PDE4D: variants seen among roughly 807,000 people sequenced by gnomAD.
The protein encoded by PDE4D is phosphodiesterase 4D.
PDE4D carries 24 observed loss-of-function variants against 87.4 expected under a neutral mutation model. The observed-to-expected ratio is 0.27, with a 90% CI of 0.20 to 0.39. The LOEUF (loss-of-function observed/expected upper bound fraction) is 0.39, where lower values mean the gene tolerates loss of function less well. Among genes scored for constraint, PDE4D ranks in the 10% least tolerant of loss-of-function variants. The pLI is 1.00. For missense variants in PDE4D, 714 were observed against 1,041.0 expected, an observed-to-expected ratio of 0.69 and a Z score of 4.32; for synonymous variants, 384 against 383.2, an observed-to-expected ratio of 1.00 and a Z score of -0.02.
At chr5:60,194,404 G>A (rs539633344) in intron 1 of PDE4D, among the ~76,000 whole-genome samples, 2 of 151,524 alleles carry the variant, frequency 1.3e-5, no homozygotes, top group Admixed American at 6.6e-5. Context: ...GCTACTTCAC[G>A]GGGTCTTCTT....
At chr5:60,464,929 C>T (rs1191394319) in intron 1 of PDE4D, among the ~76,000 whole-genome samples, 1 of 151,950 alleles carries the variant, frequency 6.6e-6, no homozygotes, top group Non-Finnish European at 1.5e-5. Context: ...AAGTGAGATC[C>T]CATCTCTATA....
chr5:59,400,007 G>C lies in PDE4D; in HGVS notation c.456-184039C>G, dbSNP rs571769175. ...ATGCTCACCATCACTGGCCATCAGAGAAACGCAAATCAAAACCACAATGAG... is the reference window on the plus strand; with the variant it reads ...ATGCTCACCATCACTGGCCATCAGACAAACGCAAATCAAAACCACAATGAG... On this transcript the variant is annotated intron_variant, in intron 1 of 14. Transcript: ENST00000340635. Among the ~76,000 whole-genome samples, 32 of 117,396 alleles carry C rather than the reference G, an allele frequency of 2.7e-4. 8 individuals carry two copies. The highest frequency in any genetic ancestry group is 2.3e-3 in the Admixed American group (27 of 11,996). 77.0% of individuals were successfully genotyped at this position (117,396 alleles called of 152,430 possible). A position where few individuals can be genotyped will look rare whatever the true frequency, so the allele number is the denominator to read the frequency against.
intron 1 of PDE4D, among the ~76,000 whole-genome samples, chr5:59,389,959 T>A (rs1429924963): frequency 1.3e-5 from 2 of 152,156 alleles, no homozygotes; most frequent in Non-Finnish European, 2.9e-5. Context: ...TAGCTAACAA[T>A]AATTTATTGT....
intron 3 of PDE4D, chr5:59,986,560 A>G (rs1045272098): frequency 6.6e-6 from 1 of 152,206 alleles, no homozygotes; most frequent in African/African-American, 2.4e-5. Flanking sequence ...CTCTTCTTCC[A>G]CAAGTGTGAA....
intron 3 of PDE4D, among the ~76,000 whole-genome samples, chr5:59,956,483 A>AT (rs1272551541): frequency 6.6e-6 from 1 of 152,214 alleles, no homozygotes; most frequent in Non-Finnish European, 1.5e-5. Flanking sequence ...GGAAAAAAAA[A>AT]GCAAGAAATA....
intron 2 of PDE4D, among the ~76,000 whole-genome samples, chr5:60,175,107 T>C (rs1025390922): frequency 1.3e-5 from 2 of 150,996 alleles, no homozygotes; most frequent in African/African-American, 5.0e-5. Flanking sequence ...CTCTGTTATG[T>C]TCTTTCTTTC....
chr5:60,337,358 T>A lies in PDE4D; in HGVS notation c.-90+150584A>T, dbSNP rs866442874. 2.4e-3 allele frequency among the ~76,000 whole-genome samples: 226 copies of A among 92,618 alleles called. 9 individuals carry two copies. The highest frequency in any genetic ancestry group is 0.011 in the African/African-American group (205 of 18,128). 60.8% of individuals were successfully genotyped at this position (92,618 alleles called of 152,430 possible). A position where few individuals can be genotyped will look rare whatever the true frequency, so the allele number is the denominator to read the frequency against. ...AAAAAACAAACAAACAAACTATATA[T>A]ATATATATATATATATATATATATA... On this transcript the variant is annotated intron_variant, in intron 1 of 16. Transcript: ENST00000502484.
chr5:59,381,812 C>T (rs1785924498), intron 1 of PDE4D, among the ~76,000 whole-genome samples: 1 of 151,900 alleles, frequency 6.6e-6, no homozygotes, highest in Non-Finnish European at 1.5e-5. Flanking sequence ...TATTTTATTG[C>T]TTTCTAACTT....
chr5:59,316,956 T>C (rs1312276210), intron 1 of PDE4D, among the ~76,000 whole-genome samples: 1 of 152,186 alleles, frequency 6.6e-6, no homozygotes, highest in Non-Finnish European at 1.5e-5. Context: ...CCTGTCTCAA[T>C]GGAGAATTTC....
At chr5:60,030,246 C>T (rs1056167557) in intron 2 of PDE4D, among the ~76,000 whole-genome samples, 1 of 151,838 alleles carries the variant, frequency 6.6e-6, no homozygotes, top group Admixed American at 6.6e-5. Context: ...GTCAGGAGAT[C>T]GAGACCATCC....
Position 59,759,630 on chromosome 5 carries a change from T to A in PDE4D, c.455+133538A>T, listed in dbSNP as rs978812441. On this transcript the variant is annotated intron_variant, in intron 1 of 14. Coordinates refer to ENST00000340635, the MANE Select transcript of PDE4D (RefSeq NM_001104631.2). ...AAAGCCAACTATGCCTTTCAAATGG[T>A]ACAGACACCCTCAACTTGCAGCGCC... 9.2e-5 allele frequency among the ~76,000 whole-genome samples: 14 copies of A among 152,314 alleles called. No homozygotes were observed. The East Asian group carries it at 2.7e-3, about 29-fold the overall frequency.
At chr5:59,687,888 T>C (rs1362881106) in intron 1 of PDE4D, among the ~76,000 whole-genome samples, 4 of 151,564 alleles carry the variant, frequency 2.6e-5, no homozygotes, top group African/African-American at 4.9e-5. Flanking sequence ...ACCAAGCACA[T>C]GGAAAACAAA....
chr5:60,028,244 C>CT (rs1766850308), intron 2 of PDE4D, among the ~76,000 whole-genome samples: 1 of 152,150 alleles, frequency 6.6e-6, no homozygotes, highest in South Asian at 2.1e-4. Context: ...CTCAACTTGA[C>CT]TTTTTCCTTT....
intron 1 of PDE4D, among the ~76,000 whole-genome samples, chr5:60,361,780 C>T (rs545921068): frequency 6.6e-6 from 1 of 152,304 alleles, no homozygotes; most frequent in South Asian, 2.1e-4. Flanking sequence ...GAACAGAGCA[C>T]TCAGCTGACC....
At chr5:60,103,423 G>C (rs1025540897) in intron 2 of PDE4D, among the ~76,000 whole-genome samples, 6 of 152,148 alleles carry the variant, frequency 3.9e-5, no homozygotes, top group African/African-American at 9.7e-5. Flanking sequence ...GCAAAGAGGG[G>C]AGTAATTCCC....
chr5:59,343,574 C>A (rs1031785731), intron 1 of PDE4D, among the ~76,000 whole-genome samples: 5 of 152,140 alleles, frequency 3.3e-5, no homozygotes, highest in African/African-American at 1.2e-4. Flanking sequence ...ATTATATACT[C>A]AATATACATT....
At chr5:59,360,441 G>A (rs1195006764) in intron 1 of PDE4D, among the ~76,000 whole-genome samples, 1 of 152,136 alleles carries the variant, frequency 6.6e-6, no homozygotes, top group East Asian at 1.9e-4. Flanking sequence ...GCAAATAACA[G>A]ACTGTTATTT....
At chr5:59,409,797 G>C (rs868428775) in intron 1 of PDE4D, among the ~76,000 whole-genome samples, 2 of 151,984 alleles carry the variant, frequency 1.3e-5, no homozygotes, top group Admixed American at 1.3e-4. Flanking sequence ...CTAATACATG[G>C]GGTAATTGAG....
At chr5:59,239,000 A>T (rs1158789607) in intron 1 of PDE4D, among the ~76,000 whole-genome samples, 1 of 152,198 alleles carries the variant, frequency 6.6e-6, no homozygotes, top group Non-Finnish European at 1.5e-5. Flanking sequence ...TGGCAAGGCC[A>T]GGTATTCTTG....
Sources: gnomAD v4.1 joint callset for allele counts (sites outside exome capture counted in the v4.1 genomes callset) on GRCh38, gnomAD v4.1.1 for gene constraint, MANE v1.5 for transcripts, NCBI Gene and HGNC (gene_info 2026-07-23, HGNC 2026-07-21) for gene names.